Variants in COL19A1 observed in about 807,000 individuals in gnomAD.
COL19A1 encodes the protein collagen alpha-1(XIX) chain.
COL19A1 carries 159 observed loss-of-function variants against 190.2 expected under a neutral mutation model. That is an observed-to-expected ratio of 0.84 (90% CI 0.73 to 0.95). The LOEUF (loss-of-function observed/expected upper bound fraction) is 0.95, where lower values mean the gene tolerates loss of function less well. Ranked by LOEUF, COL19A1 falls within the 40% of genes least tolerant of loss-of-function variation. COL19A1 has a pLI of 0.00. For synonymous variants in COL19A1, 509 were observed against 458.9 expected, an observed-to-expected ratio of 1.11 and a Z score of -1.39; for missense variants, 1,418 against 1,431.9, an observed-to-expected ratio of 0.99 and a Z score of 0.16.
chr6:70,044,966 C>T (rs1199960226), intron 14 of COL19A1, among the ~76,000 whole-genome samples: 1 of 151,988 alleles, frequency 6.6e-6, no homozygotes, highest in African/African-American at 2.4e-5. Context: ...CCTATCTTTT[C>T]ATTCATTATG....
In COL19A1 at chr6:69,939,442, A is replaced by G. The variant is rs78993676; in HGVS notation, c.936+1342A>G. Among the ~76,000 whole-genome samples the G allele has an allele frequency of 4.6e-5, 7 of 152,160 alleles. No homozygotes were observed. In the East Asian group the frequency reaches 1.2e-3, roughly 25 times the overall value. ...AGCATTTTACAGATGGAAAAACTGA[A>G]GCTTAGGGGGGTTAAATTATTGCCC... On this transcript the variant is annotated intron_variant, in intron 9 of 50. Coordinates refer to ENST00000620364, the MANE Select transcript of COL19A1 (RefSeq NM_001858.6).
intron 2 of COL19A1, among the ~76,000 whole-genome samples, chr6:69,895,429 T>C (rs1769658938): frequency 6.6e-6 from 1 of 152,206 alleles, no homozygotes; most frequent in Admixed American, 6.5e-5. Flanking sequence ...CAGCTAAAGA[T>C]GGTGTTCTTT....
chr6:70,003,667 A>C (rs1031476408), intron 11 of COL19A1, among the ~76,000 whole-genome samples: 1 of 152,020 alleles, frequency 6.6e-6, no homozygotes, highest in South Asian at 2.1e-4. Context: ...GTTGGTTTAA[A>C]GTCTGTTTTG....
intron 46 of COL19A1, among the ~76,000 whole-genome samples, chr6:70,186,472 A>T (rs914293731): frequency 6.6e-6 from 1 of 152,172 alleles, no homozygotes; most frequent in Non-Finnish European, 1.5e-5. Flanking sequence ...TACATGGCTT[A>T]TTTCCATATC....
At chr6:70,193,101 G>GA (rs11395308) in intron 48 of COL19A1, among the ~76,000 whole-genome samples, 41,833 of 145,670 alleles carry the variant, frequency 0.29, 5,883 homozygotes, top group African/African-American at 0.31. Flanking sequence ...AGCATTTTCA[G>GA]AAAAAAAAAA....
At chr6:70,078,044 A>G (rs1781998757) in intron 15 of COL19A1, among the ~76,000 whole-genome samples, 1 of 152,210 alleles carries the variant, frequency 6.6e-6, no homozygotes, top group African/African-American at 2.4e-5. Context: ...AATCATGTTT[A>G]TAGTTTATTT....
intron 4 of COL19A1, among the ~76,000 whole-genome samples, chr6:69,921,618 A>ACGTATATAGATTCGTATATATT (rs1274082603): frequency 2.1e-5 from 3 of 145,862 alleles, no homozygotes; most frequent in Non-Finnish European, 4.5e-5. Flanking sequence ...AGATTCGTAT[A>ACGTATATAGATTCGTATATATT]CGTATATAGA....
intron 1 of COL19A1, among the ~76,000 whole-genome samples, chr6:69,872,246 T>C (rs1408445012): frequency 2.0e-5 from 3 of 152,184 alleles, no homozygotes; most frequent in African/African-American, 7.2e-5. Flanking sequence ...AGTGGTACAA[T>C]GGACTTTCCC....
At chr6:70,062,507 T>TAACG (rs2150143321) in intron 14 of COL19A1, among the ~76,000 whole-genome samples, 1 of 152,228 alleles carries the variant, frequency 6.6e-6, no homozygotes, top group African/African-American at 2.4e-5. Context: ...GAACAACTGG[T>TAACG]AACGGCCACT....
chr6:70,203,971 C>T (rs1429895041), intron 49 of COL19A1, among the ~76,000 whole-genome samples: 1 of 152,052 alleles, frequency 6.6e-6, no homozygotes, highest in African/African-American at 2.4e-5. Flanking sequence ...AGCAATTCTC[C>T]TGCCTCAGCC....
chr6:69,899,100 G>A (rs1360449631), intron 3 of COL19A1, 78 bp downstream of exon 3: 8 of 881,946 alleles, frequency 9.1e-6, no homozygotes, highest in Non-Finnish European at 1.1e-5. Context: ...TACATTATAG[G>A]TGAATCTTTG....
chr6:69,882,907 A>G (rs900579513), intron 2 of COL19A1, among the ~76,000 whole-genome samples: 7 of 152,236 alleles, frequency 4.6e-5, no homozygotes, highest in African/African-American at 7.2e-5. Context: ...TTTTTAAGAA[A>G]TTCTTGTGTT....
intron 49 of COL19A1, 39 bp from the exon 50 acceptor site, chr6:70,206,862 C>T (rs369354551): frequency 1.3e-6 from 2 of 1,577,632 alleles, no homozygotes; most frequent in Admixed American, 1.8e-5. Context: ...GCCATAGAAC[C>T]CTTTTTGTGT....
intron 27 of COL19A1, among the ~76,000 whole-genome samples, 169 bp downstream of exon 27, chr6:70,147,058 C>CA (rs1294116037): frequency 6.6e-6 from 1 of 152,188 alleles, no homozygotes; most frequent in African/African-American, 2.4e-5. Context: ...AGCACAGAGA[C>CA]AGTACCCACT....
At chr6:70,173,635 G>A in intron 41 of COL19A1, among the ~76,000 whole-genome samples, 1 of 152,136 alleles carries the variant, frequency 6.6e-6, no homozygotes, top group Non-Finnish European at 1.5e-5. Flanking sequence ...CTTGACCAGA[G>A]AAATTATTAT....
At chr6:70,016,125 C>A (rs1424591937) in intron 11 of COL19A1, among the ~76,000 whole-genome samples, 1 of 11,132 alleles carries the variant, frequency 9.0e-5, no homozygotes, top group Non-Finnish European at 1.5e-4. Context: ...AACAAAAAAC[C>A]AAACACCGCA....
chr6:69,914,423 A>T (rs1317621104), intron 4 of COL19A1, among the ~76,000 whole-genome samples: 1 of 152,210 alleles, frequency 6.6e-6, no homozygotes, highest in African/African-American at 2.4e-5. Flanking sequence ...ACTCTCAGGA[A>T]ATGTAACTTG....
chr6:70,008,990 T>G (rs1319013778), intron 11 of COL19A1, among the ~76,000 whole-genome samples: 3 of 151,996 alleles, frequency 2.0e-5, no homozygotes, highest in Non-Finnish European at 4.4e-5. Context: ...AAATTAAGAA[T>G]AGAAGAGCAG....
Position 69,900,305 on chromosome 6 carries a change from A to T in COL19A1, c.233A>T (p.Lys78Ile). ...AFCESDKTCFKLGSALLIRDT... is the reference protein window; with the variant it reads ...AFCESDKTCFILGSALLIRDT... ...TGTGAAAGTGATAAAACCTGTTTCAAATTGGGAAGTGCACTTCTTATTAGA... is the reference window on the plus strand; with the variant it reads ...TGTGAAAGTGATAAAACCTGTTTCATATTGGGAAGTGCACTTCTTATTAGA... Residue 78 changes from lysine (K) to isoleucine (I), a missense_variant, in exon 4 of 51, where the codon AAA becomes ATA. By Grantham distance (102) the Lys-to-Ile change is moderately radical. Transcript: ENST00000620364. 4.4e-6 allele frequency: 7 copies of T among 1,592,364 alleles called. No individual in the cohort carries two copies. The highest frequency in any genetic ancestry group is 6.0e-6 in the Non-Finnish European group (7 of 1,168,828).
Sources: allele counts gnomAD v4.1 joint callset (sites outside exome capture counted in the v4.1 genomes callset), GRCh38; gene constraint gnomAD v4.1.1; transcripts MANE v1.5; gene names NCBI Gene and HGNC (gene_info 2026-07-23, HGNC 2026-07-21).